MYOF: variants seen among roughly 807,000 people sequenced by gnomAD.
MYOF encodes the protein fer-1-like 3, myoferlin.
A neutral mutation model predicts 284.2 loss-of-function variants in MYOF; 244 were observed. That is an observed-to-expected ratio of 0.86 (90% CI 0.77 to 0.95). MYOF has a LOEUF of 0.95. Among genes scored for constraint, MYOF ranks in the 40% least tolerant of loss-of-function variants. MYOF has a pLI of 0.00. For missense variants in MYOF, 2,496 were observed against 2,560.6 expected (o/e 0.97, Z 0.54); for synonymous variants, 904 against 919.7 (o/e 0.98, Z 0.31).
At chr10:93,413,106 A>G (rs548503903) in intron 5 of MYOF, among the ~76,000 whole-genome samples, 2 of 152,246 alleles carry the variant, frequency 1.3e-5, no homozygotes, top group Admixed American at 1.3e-4. Context: ...GTGATTGTTT[A>G]TGGCAGTAAG....
At chr10:93,340,563 C>G (rs1843852015) in intron 38 of MYOF, among the ~76,000 whole-genome samples, 1 of 152,096 alleles carries the variant, frequency 6.6e-6, no homozygotes, top group Non-Finnish European at 1.5e-5. Flanking sequence ...GTTTTAGTTC[C>G]TTAAATATAT....
chr10:93,401,910 CTATT>C (rs1847314949), intron 11 of MYOF, among the ~76,000 whole-genome samples: 1 of 151,998 alleles, frequency 6.6e-6, no homozygotes, highest in African/African-American at 2.4e-5. Context: ...TAATCACTAA[CTATT>C]TAGGTAGCAA....
intron 27 of MYOF, among the ~76,000 whole-genome samples, chr10:93,362,548 A>C (rs762935878): frequency 6.6e-6 from 1 of 152,150 alleles, no homozygotes; most frequent in Admixed American, 6.6e-5. Context: ...CCCGGCAGAC[A>C]CATGTTTTTG....
intron 1 of MYOF, among the ~76,000 whole-genome samples, chr10:93,468,765 G>A (rs932464487): frequency 3.3e-5 from 5 of 152,186 alleles, no homozygotes; most frequent in African/African-American, 7.2e-5. Context: ...ACCTCTGGGC[G>A]CTTTAGCAAG....
At chr10:93,382,506 C>A (rs900201786) in intron 19 of MYOF, among the ~76,000 whole-genome samples, 3 of 152,026 alleles carry the variant, frequency 2.0e-5, no homozygotes, top group Non-Finnish European at 2.9e-5. Context: ...GGAAATTAAA[C>A]CTTCCTTTTT....
chr10:93,460,761 C>T (rs1386857759), intron 1 of MYOF, among the ~76,000 whole-genome samples: 6 of 92,398 alleles, frequency 6.5e-5, no homozygotes, highest in African/African-American at 1.9e-4. Context: ...AGCAAGACCC[C>T]ATCTCCAAAA....
At position 93,429,188 on chromosome 10, in the gene MYOF, G is replaced by A. The variant is rs373863065; in HGVS notation, c.345+2220C>T. On this transcript the variant is annotated intron_variant, in intron 4 of 53. Coordinates refer to ENST00000359263, the MANE Select transcript of MYOF (RefSeq NM_013451.4). ...TTGCAAGGTCTGGTTATTAAAAAGG[G>A]TCTGGCCCCTTCCCCCTCTTCTCTC... is the stretch of plus-strand genomic sequence containing the variant. Among the ~76,000 whole-genome samples the A allele has an allele frequency of 2.6e-5, 4 of 152,098 alleles. No homozygotes were observed. In the East Asian group the frequency reaches 7.7e-4, roughly 29 times the overall value.
intron 1 of MYOF, among the ~76,000 whole-genome samples, chr10:93,475,999 A>G (rs1202502485): frequency 6.6e-6 from 1 of 152,148 alleles, no homozygotes; most frequent in East Asian, 1.9e-4. Flanking sequence ...GTTCTCCAGA[A>G]AGGGATGGGA....
At chr10:93,324,327 T>C (rs1366176838) in intron 46 of MYOF, 2 of 152,218 alleles carry the variant, frequency 1.3e-5, no homozygotes, top group Non-Finnish European at 2.9e-5. Flanking sequence ...GTGATCAAAA[T>C]ACATTAAGTG....
chr10:93,315,858 T>G (rs772594422), intron 50 of MYOF, among the ~76,000 whole-genome samples: 1 of 151,920 alleles, frequency 6.6e-6, no homozygotes, highest in African/African-American at 2.4e-5. Flanking sequence ...CTGTGGCTTA[T>G]GCTTGTAATC....
chr10:93,449,866 C>A (rs191627412), intron 3 of MYOF, among the ~76,000 whole-genome samples: 1 of 152,228 alleles, frequency 6.6e-6, no homozygotes, highest in African/African-American at 2.4e-5. Flanking sequence ...AAAAGGATGT[C>A]ATCAAAGGCG....
intron 7 of MYOF, 138 bp from the exon 8 acceptor site, chr10:93,404,357 G>GTCAAA: frequency 3.7e-6 from 3 of 810,874 alleles, no homozygotes; most frequent in Non-Finnish European, 4.0e-6. Context: ...TGAACACATG[G>GTCAAA]CAAGGCCTGG....
intron 31 of MYOF, among the ~76,000 whole-genome samples, chr10:93,354,767 A>C (rs145315439): frequency 3.3e-5 from 5 of 149,588 alleles, no homozygotes; most frequent in Admixed American, 6.7e-5. Context: ...CCTGAGTTCA[A>C]ATCTCTCTAG....
At chr10:93,465,524 C>CTTTTTCTTTTCTTTTTTCTTTCTT (rs2056983846) in intron 1 of MYOF, among the ~76,000 whole-genome samples, 8 of 100,100 alleles carry the variant, frequency 8.0e-5, no homozygotes, top group Non-Finnish European at 1.4e-4. Flanking sequence ...TTTTTTCTTT[C>CTTTTTCTTTTCTTTTTTCTTTCTT]TTTTTTTTCT....
At chr10:93,378,695 A>G (rs7923268) in intron 21 of MYOF, among the ~76,000 whole-genome samples, 1,432 of 59,988 alleles carry the variant, frequency 0.024, 68 homozygotes, top group Non-Finnish European at 0.027. Flanking sequence ...GTGTGTGTGT[A>G]TATATATATA....
At chr10:93,332,253 T>G (rs1266000724) in intron 43 of MYOF, among the ~76,000 whole-genome samples, 2 of 151,242 alleles carry the variant, frequency 1.3e-5, no homozygotes, top group Admixed American at 1.3e-4. Context: ...GACGGAGTCT[T>G]GCTCTGTCGC....
intron 20 of MYOF, 89 bp downstream of exon 20, chr10:93,381,130 A>T: frequency 7.3e-7 from 1 of 1,369,252 alleles, no homozygotes; most frequent in Non-Finnish European, 1.0e-6. Flanking sequence ...TGCGTAGAAC[A>T]GTGCCAGAGG....
chr10:93,405,226 T>C (rs1353203425), intron 7 of MYOF, among the ~76,000 whole-genome samples: 1 of 152,230 alleles, frequency 6.6e-6, no homozygotes, highest in Non-Finnish European at 1.5e-5. Context: ...CATCCTCCTA[T>C]AGAATTGCAA....
At chr10:93,353,667 C>T in intron 32 of MYOF, 144 bp downstream of exon 32, 2 of 579,684 alleles carry the variant, frequency 3.5e-6, no homozygotes, top group Non-Finnish European at 6.1e-6. Flanking sequence ...AATGACTGAG[C>T]AGTTTGCTTC....
Sources: allele counts gnomAD v4.1 joint callset (sites outside exome capture counted in the v4.1 genomes callset), GRCh38; gene constraint gnomAD v4.1.1; transcripts MANE v1.5; gene names NCBI Gene and HGNC (gene_info 2026-07-23, HGNC 2026-07-21).